Variants in UBE2F observed in about 807,000 individuals in gnomAD.
The protein encoded by UBE2F is NEDD8-conjugating enzyme UBE2F.
In UBE2F, 5 loss-of-function variants were observed where a neutral mutation model predicts 29.6. The ratio of observed to expected loss-of-function variants is 0.17; its 90% CI spans 0.09 to 0.36. The LOEUF is 0.36. Among genes scored for constraint, UBE2F ranks in the 10% least tolerant of loss-of-function variants. UBE2F has a pLI of 1.00. For synonymous variants in UBE2F, 66 were observed against 81.8 expected (o/e 0.81, Z 1.04); for missense variants, 141 against 228.5 (o/e 0.62, Z 2.47).
intron 5 of UBE2F, among the ~76,000 whole-genome samples, chr2:238,016,921 G>A (rs1016970460): frequency 9.9e-5 from 15 of 152,154 alleles, no homozygotes; most frequent in African/African-American, 3.4e-4. Flanking sequence ...AAGAAAAAAA[G>A]CATTTAATAA....
In UBE2F at chr2:237,999,365, T is replaced by A. The variant is rs546900663; in HGVS notation, c.214+4556T>A. ...GATTACTGCCATGAGCCACCACATG[T>A]GGCTGAAGTTTTAATTTTTATGATG... On this transcript the variant is annotated intron_variant, in intron 4 of 9. Transcript: ENST00000272930. 5.3e-5 allele frequency among the ~76,000 whole-genome samples: 8 copies of A among 152,318 alleles called. No homozygotes were observed. In the East Asian group the frequency reaches 1.5e-3, roughly 29 times the overall value.
At chr2:237,969,257 G>C (rs973652404) in intron 1 of UBE2F, among the ~76,000 whole-genome samples, 1 of 152,028 alleles carries the variant, frequency 6.6e-6, no homozygotes, top group Admixed American at 6.6e-5. Context: ...AGACTTCATC[G>C]TGGCGTGATT....
intron 9 of UBE2F, 142 bp from the exon 10 acceptor site, chr2:238,041,146 G>T (rs1002345823): frequency 1.1e-5 from 8 of 743,496 alleles, no homozygotes; most frequent in Admixed American, 4.5e-5. Flanking sequence ...CTCAGACTCC[G>T]CAAGGTCCCA....
intron 8 of UBE2F, chr2:238,035,488 A>G (rs2064687213): frequency 5.1e-6 from 1 of 196,630 alleles, no homozygotes; most frequent in Non-Finnish European, 1.0e-5. Context: ...GTTAATCACA[A>G]AACAAAAGAA....
rs761160617 is a variant in UBE2F, at chr2:237,992,013, C to T, written c.149-2731C>T. Among the ~76,000 whole-genome samples the T allele has an allele frequency of 1.1e-3, 173 of 152,100 alleles. 2 individuals carry two copies. Among genetic ancestry groups the T allele is most frequent in the Non-Finnish European group, 1.2e-3 (84 of 67,988 alleles). ...CCCCTCAGCTGGGATTACAGGCATG[C>T]GCCATTACATCCGGCTAATTTTTTG... On this transcript the variant is annotated intron_variant, in intron 3 of 9. Coordinates refer to ENST00000272930, the MANE Select transcript of UBE2F (RefSeq NM_080678.3).
chr2:237,987,864 T>TTA, intron 2 of UBE2F, 99 bp from the exon 3 acceptor site: 1 of 650,004 alleles, frequency 1.5e-6, no homozygotes, highest in Non-Finnish European at 2.6e-6. Flanking sequence ...TTTTTTTTTT[T>TTA]TTTTGATTCA....
chr2:238,002,617 T>C (rs1304386697), intron 4 of UBE2F, among the ~76,000 whole-genome samples: 1 of 151,900 alleles, frequency 6.6e-6, no homozygotes, highest in Non-Finnish European at 1.5e-5. Flanking sequence ...ACATTTTGTT[T>C]TTTTGTTTTT....
chr2:237,992,894 T>C (rs1163452746), intron 3 of UBE2F, among the ~76,000 whole-genome samples: 1 of 152,194 alleles, frequency 6.6e-6, no homozygotes, highest in Non-Finnish European at 1.5e-5. Flanking sequence ...AAGAAAACTT[T>C]AAACAAATTT....
chr2:237,992,590 G>C (rs1203888555), intron 3 of UBE2F, among the ~76,000 whole-genome samples: 2 of 152,156 alleles, frequency 1.3e-5, no homozygotes, highest in Non-Finnish European at 2.9e-5. Context: ...TGTATATACA[G>C]GTGTCCCATG....
intron 2 of UBE2F, among the ~76,000 whole-genome samples, chr2:237,979,017 A>G (rs57135155): frequency 0.29 from 44,867 of 152,096 alleles, 8,230 homozygotes; most frequent in Admixed American, 0.41. Context: ...CCCAACATGC[A>G]TTGTAGTGCC....
intron 5 of UBE2F, among the ~76,000 whole-genome samples, chr2:238,019,385 G>A (rs1334638187): frequency 6.6e-6 from 1 of 151,760 alleles, no homozygotes; most frequent in Non-Finnish European, 1.5e-5. Flanking sequence ...TGTCCCCCCT[G>A]CCTTTTTTTT....
chr2:238,035,717 T>G, intron 8 of UBE2F, 161 bp from the exon 9 acceptor site: 1 of 582,610 alleles, frequency 1.7e-6, no homozygotes, highest in Non-Finnish European at 3.1e-6. Context: ...ATGTTCGATA[T>G]TTTGGTATCA....
In UBE2F at chr2:237,967,031, C is replaced by A; in HGVS notation, c.-118C>A. ...GCCCCGCCACTTCCGGTCCCGCCGC[C>A]GGGAGCCGGTGCGGCTGTGAGGGGC... On this transcript the variant is annotated 5_prime_UTR_variant, in exon 1 of 10. Transcript: ENST00000272930. This position sits in a 1 kb window ranked among gnomAD's most constrained non-coding sequence, Gnocchi z 6.3. 2 of 1,280,628 alleles carry A rather than the reference C, an allele frequency of 1.6e-6. No individual in the cohort carries two copies. The highest frequency in any genetic ancestry group is 1.6e-5 in the African/African-American group (1 of 64,164). The allele number at this position is 1,280,628 out of a possible 1,614,324, so 79.3% of individuals were successfully genotyped here.
At chr2:238,007,585 A>C (rs1230211686) in intron 4 of UBE2F, among the ~76,000 whole-genome samples, 1 of 152,002 alleles carries the variant, frequency 6.6e-6, no homozygotes, top group African/African-American at 2.4e-5. Flanking sequence ...TAATGAATGG[A>C]TGCTTAATTT....
At chr2:238,034,806 T>C (rs184399857) in intron 8 of UBE2F, among the ~76,000 whole-genome samples, 1 of 152,308 alleles carries the variant, frequency 6.6e-6, no homozygotes, top group East Asian at 1.9e-4. Flanking sequence ...AAGAGAAATA[T>C]GGTTGTCTTG....
chr2:237,996,418 C>A (rs1413031420), intron 4 of UBE2F, among the ~76,000 whole-genome samples: 1 of 151,362 alleles, frequency 6.6e-6, no homozygotes, highest in Non-Finnish European at 1.5e-5. Context: ...TCTTTACTGT[C>A]ATGTGATTGG....
chr2:238,038,442 G>A (rs1258095975), intron 9 of UBE2F, among the ~76,000 whole-genome samples: 1 of 152,214 alleles, frequency 6.6e-6, no homozygotes, highest in Admixed American at 6.5e-5. Context: ...GACAAGCCCT[G>A]GGCAAATGTG....
chr2:238,011,937 G>A (rs191327390), intron 4 of UBE2F, among the ~76,000 whole-genome samples: 1 of 152,164 alleles, frequency 6.6e-6, no homozygotes, highest in Admixed American at 6.5e-5. Flanking sequence ...GGAGTGAAGT[G>A]GTGCAGTCAT....
chr2:237,968,747 C>A, intron 1 of UBE2F: 1 of 670,406 alleles, frequency 1.5e-6, no homozygotes, highest in Non-Finnish European at 1.8e-6. Context: ...CCAATTACAA[C>A]TTGTGGAATT....
Sources: gnomAD v4.1 joint callset for allele counts (sites outside exome capture counted in the v4.1 genomes callset) on GRCh38, gnomAD v4.1.1 for gene constraint, Gnocchi (gnomAD v3.1) non-coding constraint, MANE v1.5 for transcripts, NCBI Gene and HGNC (gene_info 2026-07-23, HGNC 2026-07-21) for gene names.